FSTL4: variants seen among roughly 807,000 people sequenced by gnomAD.
The protein encoded by FSTL4 is follistatin like 4.
A neutral mutation model predicts 78.2 loss-of-function variants in FSTL4; 28 were observed. That is an observed-to-expected ratio of 0.36 (90% CI 0.27 to 0.49). The LOEUF (loss-of-function observed/expected upper bound fraction) is 0.49. Among genes scored for constraint, FSTL4 ranks in the 20% least tolerant of loss-of-function variants. The pLI, the probability that FSTL4 is intolerant of heterozygous loss-of-function variation, is 0.98. For missense variants in FSTL4, 922 were observed against 1,084.9 expected (o/e 0.85, Z 2.11); for synonymous variants, 422 against 440.5 (o/e 0.96, Z 0.53).
chr5:133,349,456 A>G (rs969780329), intron 4 of FSTL4, among the ~76,000 whole-genome samples: 1 of 152,242 alleles, frequency 6.6e-6, no homozygotes, highest in Non-Finnish European at 1.5e-5. Context: ...TGCAGCCAGC[A>G]CAGCAGAATA....
chr5:133,702,525 G>A, the FSTL4 span, among the ~76,000 whole-genome samples: 1 of 152,146 alleles, frequency 6.6e-6, no homozygotes, highest in East Asian at 1.9e-4. Flanking sequence ...GTGTTGGGGA[G>A]CAAGAGGGGT....
the FSTL4 span, among the ~76,000 whole-genome samples, chr5:133,804,800 C>T: frequency 3.9e-5 from 6 of 151,922 alleles, no homozygotes; most frequent in South Asian, 4.2e-4. Flanking sequence ...AAAAATTAGC[C>T]GGGCATTGTG....
At chr5:133,427,598 C>G (rs755894184) in intron 3 of FSTL4, 1 of 511,590 alleles carries the variant, frequency 2.0e-6, no homozygotes. Flanking sequence ...GCGGGAATGG[C>G]GGGGGCGATA....
At chr5:133,233,641 T>A in intron 7 of FSTL4, 104 bp from the exon 8 acceptor site, 1 of 1,399,736 alleles carries the variant, frequency 7.1e-7, no homozygotes, top group Non-Finnish European at 9.9e-7. Flanking sequence ...GGGAGAGAGT[T>A]CCTTTCTGCC....
At chr5:133,613,445 C>G (rs1761146265), upstream of FSTL4, among the ~76,000 whole-genome samples, 2 of 152,196 alleles carry the variant, frequency 1.3e-5, no homozygotes, top group Non-Finnish European at 2.9e-5. Flanking sequence ...TGTAATCTCT[C>G]CTGGCCGGGG....
chr5:133,286,628 A>T (rs748356629), intron 6 of FSTL4, among the ~76,000 whole-genome samples: 3 of 152,040 alleles, frequency 2.0e-5, no homozygotes, highest in Non-Finnish European at 2.9e-5. Context: ...ACATCATCAC[A>T]TTGGGGACCC....
chr5:133,561,090 AAATAATAATAAT>A (rs369652665), intron 3 of FSTL4, among the ~76,000 whole-genome samples: 2,035 of 131,210 alleles, frequency 0.016, 39 homozygotes, highest in Non-Finnish European at 0.014. Flanking sequence ...CTCGGACTCA[AAATAATAATAAT>A]AATAATAATA....
chr5:133,528,632 A>G (rs1464620453), intron 3 of FSTL4, among the ~76,000 whole-genome samples: 3 of 151,808 alleles, frequency 2.0e-5, no homozygotes, highest in Non-Finnish European at 2.9e-5. Flanking sequence ...TTTTGAATTG[A>G]GTTGTGCTGC....
chr5:133,369,732 T>A (rs200033723), intron 4 of FSTL4, among the ~76,000 whole-genome samples: 59 of 152,326 alleles, frequency 3.9e-4, no homozygotes, highest in Non-Finnish European at 7.8e-4. Flanking sequence ...GCAGGCTCAT[T>A]TGGCCTCAAA....
intron 3 of FSTL4, among the ~76,000 whole-genome samples, chr5:133,513,847 GA>G (rs1212157760): frequency 1.3e-5 from 2 of 152,156 alleles, no homozygotes; most frequent in Non-Finnish European, 2.9e-5. Flanking sequence ...GAATTCAGAA[GA>G]AAACGTAAGA....
At chr5:133,552,920 T>C (rs1453416785) in intron 3 of FSTL4, among the ~76,000 whole-genome samples, 1 of 152,222 alleles carries the variant, frequency 6.6e-6, no homozygotes, top group Non-Finnish European at 1.5e-5. Flanking sequence ...GAGATATATG[T>C]GTGCAAGTCT....
chr5:133,282,091 C>T (rs1409963695), intron 6 of FSTL4, among the ~76,000 whole-genome samples: 1 of 152,092 alleles, frequency 6.6e-6, no homozygotes, highest in East Asian at 1.9e-4. Flanking sequence ...CCAGGGGAGG[C>T]AGATGAGAAG....
the FSTL4 span, among the ~76,000 whole-genome samples, chr5:133,661,361 C>A: frequency 0.012 from 1,891 of 152,286 alleles, 39 homozygotes; most frequent in African/African-American, 0.044. Context: ...GAACTGCAGG[C>A]TCCTGGTTTG....
intron 3 of FSTL4, 139 bp from the exon 4 acceptor site, chr5:133,401,125 G>T: frequency 1.2e-6 from 1 of 858,808 alleles, no homozygotes; most frequent in Non-Finnish European, 1.8e-6. Context: ...GGGGGCTTGG[G>T]GTCTCCTAGG....
At chr5:133,791,644 C>T in the FSTL4 span, among the ~76,000 whole-genome samples, 7 of 152,242 alleles carry the variant, frequency 4.6e-5, no homozygotes, top group Non-Finnish European at 8.8e-5. Context: ...TGTCCCTCCC[C>T]AGAACCTCTT....
At chr5:133,369,716 A>C in intron 4 of FSTL4, among the ~76,000 whole-genome samples, 1 of 151,738 alleles carries the variant, frequency 6.6e-6, no homozygotes, top group South Asian at 2.1e-4. Flanking sequence ...GATTTTAGAG[A>C]CTCTAGCAGG....
At chr5:133,743,359 C>T in the FSTL4 span, among the ~76,000 whole-genome samples, 2 of 152,204 alleles carry the variant, frequency 1.3e-5, no homozygotes, top group African/African-American at 4.8e-5. Flanking sequence ...AAAATCCTCA[C>T]CTTGCAATAT....
chr5:133,692,058 A>T, the FSTL4 span, among the ~76,000 whole-genome samples: 30 of 152,370 alleles, frequency 2.0e-4, no homozygotes, highest in Admixed American at 1.3e-3. Context: ...GCAATGGAGA[A>T]TTACAGCAAG....
the FSTL4 span, among the ~76,000 whole-genome samples, chr5:133,784,378 CT>C: frequency 6.6e-6 from 1 of 152,196 alleles, no homozygotes; most frequent in African/African-American, 2.4e-5. Flanking sequence ...ACTCCACCCT[CT>C]AAAAGGCCAA....
Sources: allele counts gnomAD v4.1 joint callset (sites outside exome capture counted in the v4.1 genomes callset), GRCh38; gene constraint gnomAD v4.1.1; transcripts MANE v1.5; gene names NCBI Gene and HGNC (gene_info 2026-07-23, HGNC 2026-07-21).